Variants in UIMC1 observed in about 807,000 individuals in gnomAD.
The protein encoded by UIMC1 is ubiquitin interaction motif containing 1.
In UIMC1, 42 loss-of-function variants were observed where a neutral mutation model predicts 84.9. That is an observed-to-expected ratio of 0.49 (90% CI 0.39 to 0.64). The LOEUF is 0.64. UIMC1 is among the 30% of genes least tolerant of loss of function. The pLI, the probability that UIMC1 is intolerant of heterozygous loss-of-function variation, is 0.00. For synonymous variants in UIMC1, 281 were observed against 293.0 expected (o/e 0.96, Z 0.42); for missense variants, 825 against 847.6 (o/e 0.97, Z 0.33).
intron 4 of UIMC1, 126 bp downstream of exon 4, chr5:176,970,616 G>A: frequency 6.9e-7 from 1 of 1,445,052 alleles, no homozygotes; most frequent in South Asian, 1.2e-5. Flanking sequence ...AAATTACTAT[G>A]GGAATTTTTG....
chr5:176,914,029 CCAT>C (rs1354007119), intron 10 of UIMC1, among the ~76,000 whole-genome samples: 7 of 140,492 alleles, frequency 5.0e-5, no homozygotes, highest in East Asian at 4.2e-4. Context: ...ATACACCATA[CCAT>C]ACCATACACC....
intron 10 of UIMC1, among the ~76,000 whole-genome samples, chr5:176,938,507 C>T (rs1303155603): frequency 2.6e-5 from 4 of 152,186 alleles, no homozygotes; most frequent in Admixed American, 2.6e-4. Context: ...GCTCTGTTCC[C>T]AGGAAAGTAG....
Position 176,908,644 on chromosome 5 carries a change from T to C in UIMC1, c.1727A>G (p.Gln576Arg), listed in dbSNP as rs983351727. ...CTGGAGACAGGAGTCCACATGACAC[T>C]GATACTCTCTAAATGGGACCAGGGA... is the stretch of plus-strand genomic sequence containing the variant. Reference protein sequence around the residue: ...CKSLVPFREYQCHVDSCLQLA... With the variant: ...CKSLVPFREYRCHVDSCLQLA... The change falls in exon 12 of 15, where the codon CAG becomes CGG. Residue 576 changes from glutamine (Q) to arginine (R), a missense_variant. Transcript: ENST00000511320. 1.2e-6 allele frequency: 2 copies of C among 1,614,214 alleles called. No individual in the cohort carries two copies. Among genetic ancestry groups the C allele is most frequent in the East Asian group, 4.5e-5 (2 of 44,888 alleles).
At position 176,907,098 on chromosome 5, in the gene UIMC1, G is replaced by C; in HGVS notation, c.1912+16C>G. On this transcript the variant is annotated intron_variant, in intron 13 of 14. Coordinates refer to ENST00000511320, the MANE Select transcript of UIMC1 (RefSeq NM_001199298.2). ...CCTTAGGCAGAAGCCCAGAAAACTG[G>C]TCCTGGGGTCCTCACCTGAAGTCTT... 1 of 1,613,260 alleles carries C rather than the reference G, an allele frequency of 6.2e-7. No homozygotes were observed. The highest frequency in any genetic ancestry group is 1.3e-5 in the African/African-American group (1 of 75,026).
chr5:176,978,794 C>G (rs10077699), intron 2 of UIMC1, among the ~76,000 whole-genome samples: 1 of 151,962 alleles, frequency 6.6e-6, no homozygotes, highest in African/African-American at 2.4e-5. Flanking sequence ...TAAAGGACAT[C>G]TGATTAAACA....
At chr5:176,952,084 C>G (rs548829231) in intron 8 of UIMC1, among the ~76,000 whole-genome samples, 3 of 152,190 alleles carry the variant, frequency 2.0e-5, no homozygotes, top group Non-Finnish European at 4.4e-5. Flanking sequence ...ATAGTTCATA[C>G]TTTTTGCTGC....
chr5:176,946,655 C>CA (rs1230582948), intron 9 of UIMC1, among the ~76,000 whole-genome samples: 2 of 152,074 alleles, frequency 1.3e-5, no homozygotes, highest in African/African-American at 4.8e-5. Context: ...GCTAATGTGG[C>CA]AAAACCCTGT....
chr5:176,905,118 G>A lies in UIMC1; in HGVS notation c.*164C>T. 1.6e-6 allele frequency: 1 copy of A among 642,918 alleles called. No individual in the cohort carries two copies. The highest frequency in any genetic ancestry group is 2.0e-5 in the South Asian group (1 of 49,654). The allele number at this position is 642,918 out of a possible 1,614,324, so 39.8% of individuals were successfully genotyped here. A position where few individuals can be genotyped will look rare whatever the true frequency, so the allele number is the denominator to read the frequency against. ...TATAAAACAGAATACACAGTTGTCT[G>A]CATAGATCATAAAAAACATAAAAAC... On this transcript the variant is annotated 3_prime_UTR_variant, in exon 15 of 15. Transcript: ENST00000511320.
chr5:176,922,797 T>G (rs1761866570), intron 10 of UIMC1, among the ~76,000 whole-genome samples: 1 of 152,240 alleles, frequency 6.6e-6, no homozygotes, highest in Admixed American at 6.5e-5. Context: ...AAACAAAAAT[T>G]TCAGCTGTTA....
chr5:176,979,963 C>T (rs1770763144), intron 2 of UIMC1, among the ~76,000 whole-genome samples: 1 of 152,050 alleles, frequency 6.6e-6, no homozygotes, highest in South Asian at 2.1e-4. Flanking sequence ...GGGTGAACAC[C>T]ATCCAACTGG....
chr5:177,020,459 C>T (rs1453561586), intron 1 of UIMC1, among the ~76,000 whole-genome samples: 1 of 152,172 alleles, frequency 6.6e-6, no homozygotes, highest in African/African-American at 2.4e-5. Flanking sequence ...GAGATGGAGT[C>T]TCGCTCTGTT....
chr5:176,967,973 T>C (rs1339991197), intron 6 of UIMC1, among the ~76,000 whole-genome samples: 2 of 151,816 alleles, frequency 1.3e-5, no homozygotes, highest in African/African-American at 4.8e-5. Flanking sequence ...AGTCATCTAT[T>C]AAGAAATGAT....
At chr5:176,984,011 G>A (rs1378702655) in intron 1 of UIMC1, among the ~76,000 whole-genome samples, 5 of 147,352 alleles carry the variant, frequency 3.4e-5, no homozygotes, top group South Asian at 2.2e-4. Flanking sequence ...CCCCGTCTGG[G>A]AAGTGAGGAG....
intron 10 of UIMC1, among the ~76,000 whole-genome samples, chr5:176,929,521 C>T (rs933120417): frequency 6.6e-6 from 1 of 151,936 alleles, no homozygotes; most frequent in African/African-American, 2.4e-5. Context: ...GAGCCGAAAT[C>T]GTGCCACTGC....
chr5:176,958,374 T>C (rs1272840536), intron 6 of UIMC1, among the ~76,000 whole-genome samples: 1 of 152,242 alleles, frequency 6.6e-6, no homozygotes, highest in Non-Finnish European at 1.5e-5. Flanking sequence ...AAATTTGTGA[T>C]TGGGTAAATG....
At chr5:177,008,689 G>A (rs1775478209), upstream of UIMC1, among the ~76,000 whole-genome samples, 2 of 152,136 alleles carry the variant, frequency 1.3e-5, no homozygotes, top group Non-Finnish European at 2.9e-5. Context: ...GATCCCACAG[G>A]CTGGCAACCA....
At position 176,975,470 on chromosome 5, in the gene UIMC1, T is replaced by C; in HGVS notation, c.158A>G (p.Glu53Gly). Reference protein sequence around the residue: ...ISDSDGEEPKEENGLQKTKTK... With the variant: ...ISDSDGEEPKGENGLQKTKTK... ...CTTCGTTTTCTGCAACCCATTTTCC[T>C]CCTTTGGTTCCTGTTGCAAAACAAG... Residue 53 changes from glutamate to glycine, a missense_variant, in exon 3 of 15, where the codon GAG becomes GGG. By Grantham distance (98) the Glu-to-Gly change is moderately conservative. Coordinates refer to ENST00000511320, the MANE Select transcript of UIMC1 (RefSeq NM_001199298.2). 6.2e-7 allele frequency: 1 copy of C among 1,614,074 alleles called. No individual in the cohort carries two copies. Among genetic ancestry groups the C allele is most frequent in the African/African-American group, 1.3e-5 (1 of 75,046 alleles).
intron 6 of UIMC1, among the ~76,000 whole-genome samples, chr5:176,959,760 G>A (rs1455292336): frequency 2.0e-5 from 3 of 151,424 alleles, no homozygotes; most frequent in South Asian, 2.1e-4. Context: ...GGCCAGGCGC[G>A]GTGGCTCACG....
intron 10 of UIMC1, among the ~76,000 whole-genome samples, chr5:176,938,780 TCTC>T (rs1021619774): frequency 1.3e-5 from 2 of 152,124 alleles, no homozygotes; most frequent in African/African-American, 4.8e-5. Flanking sequence ...TCACTGCAGC[TCTC>T]CTTTCTCCCA....
Sources: gnomAD v4.1 joint callset for allele counts (sites outside exome capture counted in the v4.1 genomes callset) on GRCh38, gnomAD v4.1.1 for gene constraint, MANE v1.5 for transcripts, NCBI Gene and HGNC (gene_info 2026-07-23, HGNC 2026-07-21) for gene names.